PXDNL: variants seen among roughly 807,000 people sequenced by gnomAD.
The protein encoded by PXDNL is peroxidasin like, also known as probable oxidoreductase PXDNL.
In PXDNL, 145 loss-of-function variants were observed where a neutral mutation model predicts 150.8. The ratio of observed to expected loss-of-function variants is 0.96; its 90% CI spans 0.84 to 1.10. The LOEUF (loss-of-function observed/expected upper bound fraction) is 1.10. Ranked by LOEUF, PXDNL falls within the 50% of genes least tolerant of loss-of-function variation. PXDNL has a pLI of 0.00. For missense variants in PXDNL, 2,087 were observed against 1,873.9 expected (o/e 1.11, Z -2.10); for synonymous variants, 757 against 725.7 (o/e 1.04, Z -0.69).
intron 4 of PXDNL, 126 bp downstream of exon 4, chr8:51,556,714 T>C (rs1812607460): frequency 3.1e-6 from 2 of 655,336 alleles, no homozygotes; most frequent in Admixed American, 2.8e-5. Context: ...ATGACAGATA[T>C]TCAATCATTC....
chr8:51,409,086 G>A lies in PXDNL; in HGVS notation c.2538C>T (p.Asn846=), dbSNP rs761089744. The A allele has an allele frequency of 6.2e-7, 1 of 1,609,442 alleles. No homozygotes were observed. Among genetic ancestry groups the A allele is most frequent in the Non-Finnish European group, 8.5e-7 (1 of 1,179,462 alleles). The change falls in exon 17 of 23, where the codon AAC becomes AAT. Residue 846 remains asparagine (N), a synonymous_variant. Transcript: ENST00000356297. ...TGCCCCGGGGGTCGGCGTGCCGGGT[G>A]TTCATGGGGAAACAAGGAGGGTCGT... ...CTNDPPCFPM[N]TRHADPRGTH...
intron 1 of PXDNL, among the ~76,000 whole-genome samples, chr8:51,676,270 C>A (rs1379859554): frequency 6.6e-6 from 1 of 151,732 alleles, no homozygotes; most frequent in Non-Finnish European, 1.5e-5. Context: ...GTGGTTCTCC[C>A]AGGATGTATT....
intron 4 of PXDNL, among the ~76,000 whole-genome samples, chr8:51,555,790 G>A (rs1812586732): frequency 6.6e-6 from 1 of 152,134 alleles, no homozygotes; most frequent in African/African-American, 2.4e-5. Context: ...TCAAACACTT[G>A]TAATTGAGAG....
intron 1 of PXDNL, among the ~76,000 whole-genome samples, chr8:51,772,669 G>A (rs1368347664): frequency 1.3e-5 from 2 of 152,210 alleles, no homozygotes; most frequent in Non-Finnish European, 2.9e-5. Flanking sequence ...AGTGTCTCTA[G>A]GGTTGTATGA....
intron 1 of PXDNL, among the ~76,000 whole-genome samples, chr8:51,697,717 A>G (rs2130875719): frequency 6.6e-6 from 1 of 152,332 alleles, no homozygotes; most frequent in African/African-American, 2.4e-5. Flanking sequence ...TGTAAGTCTT[A>G]ATAAACTCAT....
intron 13 of PXDNL, among the ~76,000 whole-genome samples, 160 bp downstream of exon 13, chr8:51,426,483 AAAG>A (rs1252063257): frequency 2.6e-5 from 4 of 152,204 alleles, no homozygotes; most frequent in Admixed American, 6.5e-5. Context: ...TAAAAAAAAA[AAAG>A]AAGAAACAGG....
chr8:51,390,719 C>A lies in PXDNL; in HGVS notation c.3558-15988G>T, dbSNP rs182613602. On this transcript the variant is annotated intron_variant, in intron 17 of 22. Coordinates refer to ENST00000356297, the MANE Select transcript of PXDNL (RefSeq NM_144651.5). ...GTGACAAGCCGACCTCACTAAATGG[C>A]ATAAAGCACAGATTTTCTTTTTTTT... Among the ~76,000 whole-genome samples, 18 of 151,904 alleles carry A rather than the reference C, an allele frequency of 1.2e-4. No homozygotes were observed. In the East Asian group the frequency reaches 3.3e-3, roughly 28 times the overall value.
At chr8:51,673,020 A>C (rs549471727) in intron 1 of PXDNL, among the ~76,000 whole-genome samples, 1 of 152,132 alleles carries the variant, frequency 6.6e-6, no homozygotes, top group African/African-American at 2.4e-5. Context: ...AGGAGAAACG[A>C]TTGAAAAAAA....
At chr8:51,606,947 A>C (rs536281029) in intron 2 of PXDNL, among the ~76,000 whole-genome samples, 1 of 152,312 alleles carries the variant, frequency 6.6e-6, no homozygotes, top group South Asian at 2.1e-4. Context: ...CACTGTCAAC[A>C]GTCTCCTACA....
chr8:51,702,127 T>C (rs1292597805), intron 1 of PXDNL, among the ~76,000 whole-genome samples: 1 of 152,238 alleles, frequency 6.6e-6, no homozygotes, highest in Non-Finnish European at 1.5e-5. Flanking sequence ...ATTTTTCAAA[T>C]ACAGAATGGT....
chr8:51,410,908 A>T (rs1808617863), intron 16 of PXDNL, among the ~76,000 whole-genome samples: 1 of 152,366 alleles, frequency 6.6e-6, no homozygotes, highest in East Asian at 1.9e-4. Context: ...GATTGAAAGG[A>T]TAAGTGGAAG....
intron 2 of PXDNL, among the ~76,000 whole-genome samples, chr8:51,626,972 A>G (rs1359306235): frequency 6.6e-6 from 1 of 152,184 alleles, no homozygotes; most frequent in Non-Finnish European, 1.5e-5. Context: ...TCATACTTAT[A>G]TTGAATCCAT....
intron 3 of PXDNL, among the ~76,000 whole-genome samples, chr8:51,575,579 G>A (rs945614801): frequency 6.6e-5 from 10 of 151,970 alleles, no homozygotes; most frequent in Admixed American, 6.6e-4. Context: ...GCCAGGTGGT[G>A]TGGTGCACGC....
At chr8:51,803,297 G>A (rs766537152) in intron 1 of PXDNL, among the ~76,000 whole-genome samples, 11 of 152,222 alleles carry the variant, frequency 7.2e-5, no homozygotes, top group Middle Eastern at 3.4e-3. Flanking sequence ...TGGAAACTGC[G>A]AGGTCCAGTA....
chr8:51,527,869 C>G (rs148012264), intron 4 of PXDNL, among the ~76,000 whole-genome samples: 63 of 152,278 alleles, frequency 4.1e-4, no homozygotes, highest in African/African-American at 1.5e-3. Flanking sequence ...GAAAAGGAAG[C>G]TTGCTTGGAG....
At chr8:51,800,364 C>T (rs943477089) in intron 1 of PXDNL, among the ~76,000 whole-genome samples, 21 of 152,190 alleles carry the variant, frequency 1.4e-4, no homozygotes, top group African/African-American at 4.8e-4. Context: ...CTCAGAAAGA[C>T]AAGTTAATAA....
At position 51,464,068 on chromosome 8, in the gene PXDNL, G is replaced by T. The variant is rs561550151; in HGVS notation, c.813-6401C>A. ...AAACTAACCCAAAAGTGAAGCAGAAGAAAAAATATAACTGACTGGGCACAG... is the reference window on the plus strand; with the variant it reads ...AAACTAACCCAAAAGTGAAGCAGAATAAAAAATATAACTGACTGGGCACAG... On this transcript the variant is annotated intron_variant, in intron 8 of 22. Coordinates refer to ENST00000356297, the MANE Select transcript of PXDNL (RefSeq NM_144651.5). 7.3e-4 allele frequency among the ~76,000 whole-genome samples: 111 copies of T among 151,408 alleles called. 1 individual carries two copies. The highest frequency in any genetic ancestry group is 2.4e-3 in the African/African-American group (100 of 41,364).
At chr8:51,709,415 C>T (rs528027257) in intron 1 of PXDNL, among the ~76,000 whole-genome samples, 6 of 152,006 alleles carry the variant, frequency 3.9e-5, no homozygotes, top group Admixed American at 1.3e-4. Flanking sequence ...CCACCACGCC[C>T]GGCTAATTTT....
chr8:51,691,370 T>A (rs984231212), intron 1 of PXDNL, among the ~76,000 whole-genome samples: 1 of 152,230 alleles, frequency 6.6e-6, no homozygotes, highest in Non-Finnish European at 1.5e-5. Context: ...AGGGATCCAC[T>A]TTCAGCTTTC....
Sources: gnomAD v4.1 joint callset for allele counts (sites outside exome capture counted in the v4.1 genomes callset) on GRCh38, gnomAD v4.1.1 for gene constraint, MANE v1.5 for transcripts, NCBI Gene and HGNC (gene_info 2026-07-23, HGNC 2026-07-21) for gene names.